TRIM21: variants seen among roughly 807,000 people sequenced by gnomAD.
TRIM21 encodes the protein tripartite motif containing 21.
TRIM21 carries 35 observed loss-of-function variants against 36.1 expected under a neutral mutation model. That is an observed-to-expected ratio of 0.97 (90% CI 0.74 to 1.28). TRIM21 has a LOEUF of 1.28. Among genes scored for constraint, TRIM21 ranks in the 50% most tolerant of loss-of-function variants. The pLI is 0.00. For synonymous variants in TRIM21, 256 were observed against 211.5 expected, an observed-to-expected ratio of 1.21 and a Z score of -1.83; for missense variants, 635 against 570.7, an observed-to-expected ratio of 1.11 and a Z score of -1.15.
intron 4 of TRIM21, 62 bp from the exon 5 acceptor site, chr11:4,387,052 C>CA: frequency 1.3e-6 from 2 of 1,526,764 alleles, no homozygotes; most frequent in South Asian, 1.2e-5. Flanking sequence ...AGACATCAGC[C>CA]CTGTGGGTGA....
Position 4,390,255 on chromosome 11 carries a change from G to C in TRIM21, c.155C>G (p.Pro52Arg). 6.2e-7 allele frequency: 1 copy of C among 1,614,018 alleles called. No individual in the cohort carries two copies. The part of the protein sequence containing the change: ...QVGKGGGSVC[P>R]VCRQRFLLKN... The stretch of plus-strand genomic sequence containing the variant: ...GAGCAGAAAGCGCTGCCGGCACACA[G>C]GACAGACGCTGCCCCCACCTTTCCC... The change falls in exon 2 of 7, where the codon CCT (proline) becomes CGT (arginine). Residue 52 changes from proline (P) to arginine (R), a missense_variant. Pro to Arg is a moderately radical substitution (Grantham distance 103). Coordinates refer to ENST00000254436, the MANE Select transcript of TRIM21 (RefSeq NM_003141.4).
intron 6 of TRIM21, 135 bp from the exon 7 acceptor site, chr11:4,385,988 G>T: frequency 1.8e-6 from 2 of 1,088,118 alleles, no homozygotes; most frequent in Non-Finnish European, 2.6e-6. Context: ...ATGACCATCA[G>T]CCAGTTCTGG....
At chr11:4,389,601 T>C in intron 3 of TRIM21, 53 bp downstream of exon 3, 1 of 1,508,732 alleles carries the variant, frequency 6.6e-7, no homozygotes, top group Non-Finnish European at 9.2e-7. Flanking sequence ...TTGAGGACTC[T>C]GGACCCTGCC....
intron 4 of TRIM21, 27 bp downstream of exon 4, chr11:4,388,273 G>C (rs767200220): frequency 6.3e-7 from 1 of 1,579,430 alleles, no homozygotes; most frequent in East Asian, 2.3e-5. Flanking sequence ...TCCCTGAATT[G>C]TAGAAGGAAA....
chr11:4,389,664 G>T lies in TRIM21; in HGVS notation c.494C>A (p.Ala165Glu), dbSNP rs1423051003. 2 of 1,613,668 alleles carry T rather than the reference G, an allele frequency of 1.2e-6. No homozygotes were observed. The highest frequency in any genetic ancestry group is 2.2e-5 in the East Asian group (1 of 44,866). The change falls in exon 3 of 7, where the codon GCA (alanine) becomes GAA (glutamate). Residue 165 changes from alanine (A) to glutamate (E), a missense_variant. Transcript: ENST00000254436. ...KLEVEIAIKR[A>E]DWKKTVETQK... is the part of the protein sequence containing the mutation. ...GGATGTCATTCTTACCTTCCAGTCT[G>T]CTCTCTTTATTGCAATTTCCACTTC...
In TRIM21 at chr11:4,385,211, A is replaced by G. The variant is rs756216233; in HGVS notation, c.*74T>C. 7.0e-7 allele frequency: 1 copy of G among 1,432,662 alleles called. No homozygotes were observed. Among genetic ancestry groups the G allele is most frequent in the Admixed American group, 2.3e-5 (1 of 43,222 alleles). The allele number at this position is 1,432,662 out of a possible 1,614,324, so 88.7% of individuals were successfully genotyped here. ...CAGAGACAAAGGTGGTTCAGAGTTCATGGGGAAAAGAGGCAGGGTTTGTGG... is the reference window on the plus strand; with the variant it reads ...CAGAGACAAAGGTGGTTCAGAGTTCGTGGGGAAAAGAGGCAGGGTTTGTGG... On this transcript the variant is annotated 3_prime_UTR_variant, in exon 7 of 7. Coordinates refer to ENST00000254436, the MANE Select transcript of TRIM21 (RefSeq NM_003141.4).
Position 4,391,818 on chromosome 11 carries a change from CCAGGCA to C in TRIM21, c.-49-1366_-49-1361del, listed in dbSNP as rs565788225. On this transcript the variant is annotated intron_variant, in intron 1 of 6. Transcript: ENST00000254436. ...AGGTCATTATGTTAGGTGAAATAAG[CCAGGCA>C]CAGAAACACAAACATTGTATGGTCT... is the stretch of plus-strand genomic sequence containing the variant. Among the ~76,000 whole-genome samples, 252 of 152,160 alleles carry C rather than the reference CCAGGCA, an allele frequency of 1.7e-3. 2 individuals carry two copies. The highest frequency in any genetic ancestry group is 5.6e-3 in the African/African-American group (234 of 41,494).
chr11:4,388,570 A>T, intron 3 of TRIM21, 40 bp from the exon 4 acceptor site: 1 of 1,587,364 alleles, frequency 6.3e-7, no homozygotes. Context: ...TTTTTATGAA[A>T]ATCTCCCAAG....
chr11:4,391,208 G>A (rs1257959721), intron 1 of TRIM21, among the ~76,000 whole-genome samples: 1 of 151,992 alleles, frequency 6.6e-6, no homozygotes, highest in East Asian at 1.9e-4. Flanking sequence ...AATATATAAG[G>A]AGCTCAAACA....
At chr11:4,393,155 T>A (rs1355922842) in intron 1 of TRIM21, among the ~76,000 whole-genome samples, 1 of 152,162 alleles carries the variant, frequency 6.6e-6, no homozygotes, top group Non-Finnish European at 1.5e-5. Context: ...TGGTTGAACA[T>A]CCTAAACAGC....
intron 4 of TRIM21, among the ~76,000 whole-genome samples, chr11:4,387,428 A>C (rs1026542665): frequency 6.6e-6 from 1 of 152,142 alleles, no homozygotes; most frequent in Non-Finnish European, 1.5e-5. Context: ...GGTTAGTTAA[A>C]GCTCCCTTGG....
chr11:4,390,707 G>C (rs1457558105), intron 1 of TRIM21, among the ~76,000 whole-genome samples: 2 of 152,124 alleles, frequency 1.3e-5, no homozygotes, highest in Admixed American at 1.3e-4. Flanking sequence ...AACCCAAACA[G>C]CATGGTACTG....
chr11:4,392,017 T>G (rs2094963607), intron 1 of TRIM21, among the ~76,000 whole-genome samples: 1 of 152,074 alleles, frequency 6.6e-6, no homozygotes, highest in Admixed American at 6.6e-5. Context: ...TAGTATTTGA[T>G]AGTACAACAG....
At chr11:4,391,161 T>G (rs1415909566) in intron 1 of TRIM21, among the ~76,000 whole-genome samples, 3 of 152,252 alleles carry the variant, frequency 2.0e-5, no homozygotes, top group Admixed American at 2.0e-4. Context: ...GAGTAAATAT[T>G]TGTAAACTAT....
In TRIM21 at chr11:4,385,224, G is replaced by T; in HGVS notation, c.*61C>A. On this transcript the variant is annotated 3_prime_UTR_variant, in exon 7 of 7. Transcript: ENST00000254436. ...GGTTCAGAGTTCATGGGGAAAAGAG[G>T]CAGGGTTTGTGGCTGAGAAGCGGTG... 1.3e-6 allele frequency: 2 copies of T among 1,484,492 alleles called. No individual in the cohort carries two copies. The highest frequency in any genetic ancestry group is 2.6e-5 in the South Asian group (2 of 75,678). 92.0% of individuals were successfully genotyped at this position (1,484,492 alleles called of 1,614,324 possible). A position where few individuals can be genotyped will look rare whatever the true frequency, so the allele number is the denominator to read the frequency against.
chr11:4,392,567 A>AAAAACAAAAGAAAACAAAAC (rs1554892132), intron 1 of TRIM21, among the ~76,000 whole-genome samples: 2 of 151,652 alleles, frequency 1.3e-5, no homozygotes, highest in African/African-American at 2.4e-5. Flanking sequence ...ACTCCCTCTC[A>AAAAACAAAAGAAAACAAAAC]AAAACAAAAC....
At chr11:4,388,012 G>C (rs1236158976) in intron 4 of TRIM21, among the ~76,000 whole-genome samples, 2 of 152,106 alleles carry the variant, frequency 1.3e-5, no homozygotes, top group Admixed American at 6.6e-5. Flanking sequence ...AGAACAGAAG[G>C]GACTTGTGAG....
rs2094954150 is a variant in TRIM21, at chr11:4,384,936, C to G, written c.*349G>C. On this transcript the variant is annotated 3_prime_UTR_variant, in exon 7 of 7. Transcript: ENST00000254436. ...TTTTATTTTTTATTTTTAGGAAGCC[C>G]TTTTGCAAACCATACAAGATATAAT... 1 of 214,142 alleles carries G rather than the reference C, an allele frequency of 4.7e-6. No homozygotes were observed. Among genetic ancestry groups the G allele is most frequent in the Non-Finnish European group, 9.2e-6 (1 of 109,258 alleles). The allele number at this position is 214,142 out of a possible 1,614,324, so 13.3% of individuals were successfully genotyped here.
rs1343930548 is a variant in TRIM21 at position 4,388,390 on chromosome 11, C to G, written c.645G>C (p.Glu215Asp). 1 of 1,613,964 alleles carries G rather than the reference C, an allele frequency of 6.2e-7. No individual in the cohort carries two copies. Among genetic ancestry groups the G allele is most frequent in the Non-Finnish European group, 8.5e-7 (1 of 1,179,896 alleles). The change falls in exon 4 of 7, where the codon GAG becomes GAC. Residue 215 changes from glutamate (E) to aspartate (D), a missense_variant. Transcript: ENST00000254436. ...CCTGGCTCTGCTGGGCCAGCTTGGCCTCTTTCTCCCCCAGGATTCTCAGCT... is the reference window on the plus strand; with the variant it reads ...CCTGGCTCTGCTGGGCCAGCTTGGCGTCTTTCTCCCCCAGGATTCTCAGCT... ...REQLRILGEK[E>D]AKLAQQSQAL...
Sources: allele counts gnomAD v4.1 joint callset (sites outside exome capture counted in the v4.1 genomes callset), GRCh38; gene constraint gnomAD v4.1.1; transcripts MANE v1.5; gene names NCBI Gene and HGNC (gene_info 2026-07-23, HGNC 2026-07-21).